The following DCC variants were observed in gnomAD, a reference collection of about 807,000 sequenced individuals.
DCC encodes the protein netrin receptor DCC.
DCC carries 58 observed loss-of-function variants against 172.5 expected under a neutral mutation model. That is an observed-to-expected ratio of 0.34 (90% CI 0.27 to 0.42). DCC has a LOEUF of 0.42. Ranked by LOEUF, DCC falls within the 10% of genes least tolerant of loss-of-function variation. The probability of loss-of-function intolerance (pLI) is 1.00; values close to 1 mark genes in which losing one functional copy is unlikely to be tolerated. For missense variants in DCC, 1,740 were observed against 1,791.0 expected (o/e 0.97, Z 0.51); for synonymous variants, 709 against 644.5 (o/e 1.10, Z -1.52).
Position 52,781,099 on chromosome 18 carries a change from C to T in DCC, c.412+28725C>T, listed in dbSNP as rs9950647. ...TTATGTTCAGGTTGGATGAATAATG[C>T]TCAGCCATGTAGAAATACAACTGGA... On this transcript the variant is annotated intron_variant, in intron 2 of 28. Transcript: ENST00000442544. Among the ~76,000 whole-genome samples, 1,005 of 152,172 alleles carry T rather than the reference C, an allele frequency of 6.6e-3. 14 individuals are homozygous for T. Among genetic ancestry groups the T allele is most frequent in the African/African-American group, 0.023 (936 of 41,502 alleles).
intron 9 of DCC, among the ~76,000 whole-genome samples, chr18:53,200,684 C>G (rs1191353443): frequency 1.3e-5 from 2 of 152,112 alleles, no homozygotes; most frequent in African/African-American, 4.8e-5. Flanking sequence ...CCCATGATGC[C>G]TGACGGAAGT....
intron 1 of DCC, among the ~76,000 whole-genome samples, chr18:52,649,830 G>A (rs558281071): frequency 3.3e-5 from 5 of 152,082 alleles, no homozygotes; most frequent in Non-Finnish European, 7.4e-5. Flanking sequence ...TTCACTGATG[G>A]GCACTTAGGT....
intron 8 of DCC, among the ~76,000 whole-genome samples, chr18:53,177,660 A>T (rs2055127293): frequency 6.6e-6 from 1 of 152,184 alleles, no homozygotes. Flanking sequence ...GGAAGAAGAG[A>T]ACATGGTGAA....
chr18:52,340,354 A>G lies in DCC; in HGVS notation c.-434A>G, dbSNP rs1983567967. 4.9e-6 allele frequency: 1 copy of G among 205,126 alleles called. No homozygotes were observed. The highest frequency in any genetic ancestry group is 1.0e-5 in the Non-Finnish European group (1 of 99,148). 12.7% of individuals were successfully genotyped at this position (205,126 alleles called of 1,614,324 possible). ...TCTCTTCAACTTTACCCAACCGACGACAAGGAACCAGCCTCAACCTTTTAA... is the reference window on the plus strand; with the variant it reads ...TCTCTTCAACTTTACCCAACCGACGGCAAGGAACCAGCCTCAACCTTTTAA... On this transcript the variant is annotated 5_prime_UTR_variant, in exon 1 of 29. Transcript: ENST00000442544.
intron 26 of DCC, among the ~76,000 whole-genome samples, chr18:53,496,254 G>T (rs1173549175): frequency 6.6e-6 from 1 of 152,146 alleles, no homozygotes; most frequent in African/African-American, 2.4e-5. Flanking sequence ...CCAGAGGAAG[G>T]TACAGGCAGC....
intron 15 of DCC, among the ~76,000 whole-genome samples, chr18:53,367,475 C>T (rs1361880918): frequency 1.3e-5 from 2 of 152,028 alleles, no homozygotes; most frequent in African/African-American, 2.4e-5. Context: ...TACATAAGTC[C>T]TACATAGATA....
intron 1 of DCC, among the ~76,000 whole-genome samples, chr18:52,629,702 G>A (rs948750560): frequency 3.9e-5 from 6 of 152,058 alleles, no homozygotes; most frequent in African/African-American, 1.4e-4. Context: ...TGTAATCCCA[G>A]CACTTTGGGA....
chr18:52,949,887 T>G (rs768942796), intron 5 of DCC, among the ~76,000 whole-genome samples: 5 of 152,204 alleles, frequency 3.3e-5, no homozygotes, highest in African/African-American at 9.6e-5. Context: ...TAGTCTCAAT[T>G]TGAGTTTATT....
At chr18:52,585,911 G>A (rs975612831) in intron 1 of DCC, among the ~76,000 whole-genome samples, 1 of 151,800 alleles carries the variant, frequency 6.6e-6, no homozygotes, top group African/African-American at 2.4e-5. Flanking sequence ...GTGAAACCCC[G>A]TCTCTACTAA....
intron 7 of DCC, among the ~76,000 whole-genome samples, chr18:53,154,271 T>C (rs897380938): frequency 6.6e-6 from 1 of 152,156 alleles, no homozygotes; most frequent in African/African-American, 2.4e-5. Context: ...ACTCTTCAGA[T>C]AGGTCCCTCC....
In DCC at chr18:52,614,702, A is replaced by G. The variant is rs149186225; in HGVS notation, c.92-137352A>G. Among the ~76,000 whole-genome samples the G allele has an allele frequency of 2.6e-5, 4 of 152,330 alleles. No individual in the cohort carries two copies. In the East Asian group the frequency reaches 7.7e-4, roughly 29 times the overall value. On this transcript the variant is annotated intron_variant, in intron 1 of 28. Coordinates refer to ENST00000442544, the MANE Select transcript of DCC (RefSeq NM_005215.4). ...CATTTTCCCTGTCAATAATAAAAAC[A>G]AGACCAGAAAGATAGTCCCTTGGTG...
At chr18:53,189,506 G>T (rs1030829975) in intron 9 of DCC, among the ~76,000 whole-genome samples, 1 of 151,836 alleles carries the variant, frequency 6.6e-6, no homozygotes, top group Non-Finnish European at 1.5e-5. Flanking sequence ...GAAAATTAAA[G>T]TGTATGTCTA....
chr18:53,462,275 G>A (rs565232995), intron 24 of DCC, among the ~76,000 whole-genome samples: 1 of 152,206 alleles, frequency 6.6e-6, no homozygotes, highest in South Asian at 2.1e-4. Context: ...ACGGGCAAAA[G>A]AGCAAAGCTT....
chr18:53,207,265 A>G (rs1471628363), intron 10 of DCC, among the ~76,000 whole-genome samples: 1 of 152,212 alleles, frequency 6.6e-6, no homozygotes, highest in African/African-American at 2.4e-5. Flanking sequence ...GACAGTTTCA[A>G]GAGCTGTGGG....
chr18:53,065,125 A>G (rs762729323), intron 6 of DCC, among the ~76,000 whole-genome samples: 8 of 152,144 alleles, frequency 5.3e-5, no homozygotes, highest in Non-Finnish European at 1.0e-4. Flanking sequence ...GAGCACAAAT[A>G]GTAAGTTATA....
At chr18:53,528,364 G>C (rs2046483020) in intron 28 of DCC, among the ~76,000 whole-genome samples, 1 of 152,076 alleles carries the variant, frequency 6.6e-6, no homozygotes, top group Non-Finnish European at 1.5e-5. Flanking sequence ...AGACTCTAAT[G>C]CACTTTTGTG....
intron 16 of DCC, among the ~76,000 whole-genome samples, chr18:53,388,183 G>C (rs1908298190): frequency 6.6e-6 from 1 of 152,128 alleles, no homozygotes; most frequent in Non-Finnish European, 1.5e-5. Context: ...CCAGTTAAGG[G>C]GTTCGAGAAG....
intron 2 of DCC, among the ~76,000 whole-genome samples, chr18:52,766,200 G>C (rs1289942805): frequency 2.0e-5 from 3 of 152,220 alleles, no homozygotes; most frequent in Non-Finnish European, 4.4e-5. Context: ...AGGTACAGGA[G>C]CCAGAGCAAG....
chr18:53,092,974 A>G (rs1568300090), intron 7 of DCC, among the ~76,000 whole-genome samples: 2 of 81,322 alleles, frequency 2.5e-5, no homozygotes, highest in African/African-American at 1.5e-4. Context: ...CTGCATTACT[A>G]TTTAAAAAAA....
Sources: allele counts gnomAD v4.1 joint callset (sites outside exome capture counted in the v4.1 genomes callset), GRCh38; gene constraint gnomAD v4.1.1; transcripts MANE v1.5; gene names NCBI Gene and HGNC (gene_info 2026-07-23, HGNC 2026-07-21).